EIF2AK2: variants seen among roughly 807,000 people sequenced by gnomAD.
EIF2AK2 encodes interferon-induced, double-stranded RNA-activated protein kinase.
EIF2AK2 carries 40 observed loss-of-function variants against 70.5 expected under a neutral mutation model. The observed-to-expected ratio is 0.57, with a 90% CI of 0.44 to 0.74. The LOEUF (loss-of-function observed/expected upper bound fraction) is 0.74. EIF2AK2 is among the 30% of genes least tolerant of loss of function. The pLI is 0.00. For missense variants in EIF2AK2, 555 were observed against 644.3 expected, an observed-to-expected ratio of 0.86 and a Z score of 1.50; for synonymous variants, 198 against 220.9, an observed-to-expected ratio of 0.90 and a Z score of 0.92.
intron 13 of EIF2AK2, among the ~76,000 whole-genome samples, 177 bp downstream of exon 13, chr2:37,119,782 C>T (rs573524960): frequency 1.8e-4 from 27 of 151,510 alleles, no homozygotes; most frequent in Non-Finnish European, 1.5e-5. Context: ...AGTAGAGACA[C>T]GGTTTCACCA....
In EIF2AK2 at chr2:37,109,328, T is replaced by A. The variant is rs763470155; in HGVS notation, c.1378-33A>T. ...GACCAAAATAGATTTACCTTTGTTA[T>A]GCTCCTTACATAAATATCCAGCCTT... On this transcript the variant is annotated intron_variant, in intron 14 of 16. Transcript: ENST00000233057. 2.5e-6 allele frequency: 4 copies of A among 1,584,590 alleles called. No individual in the cohort carries two copies. In the African/African-American group the frequency reaches 5.4e-5, roughly 21 times the overall value.
intron 14 of EIF2AK2, among the ~76,000 whole-genome samples, chr2:37,112,297 C>G (rs916331779): frequency 6.6e-6 from 1 of 152,252 alleles, no homozygotes; most frequent in Admixed American, 6.5e-5. Context: ...GAAATAGACC[C>G]TTGGTATTTT....
intron 1 of EIF2AK2, among the ~76,000 whole-genome samples, chr2:37,153,465 G>A (rs11894496): frequency 0.032 from 4,797 of 150,392 alleles, 121 homozygotes; most frequent in South Asian, 0.064. Context: ...TCAGCCTCCC[G>A]AGTAGCTGGG....
intron 10 of EIF2AK2, among the ~76,000 whole-genome samples, chr2:37,133,691 C>A (rs765317126): frequency 1.3e-5 from 2 of 152,178 alleles, no homozygotes; most frequent in East Asian, 1.9e-4. Flanking sequence ...ACATGAATGC[C>A]GGAGGAAAAG....
chr2:37,143,242 A>G (rs1213381137), intron 4 of EIF2AK2, among the ~76,000 whole-genome samples: 1 of 149,820 alleles, frequency 6.7e-6, no homozygotes, highest in African/African-American at 2.4e-5. Flanking sequence ...AAAAAAAAAG[A>G]ATCAATGTTG....
Position 37,102,264 on chromosome 2 carries a change from A to G in EIF2AK2, c.*5009T>C, listed in dbSNP as rs898242688. The G allele has an allele frequency of 6.6e-6, 1 of 152,080 alleles. No individual in the cohort carries two copies. The highest frequency in any genetic ancestry group is 2.4e-5 in the African/African-American group (1 of 41,412). The allele number at this position is 152,080 out of a possible 1,614,324, so 9.4% of individuals were successfully genotyped here. On this transcript the variant is annotated 3_prime_UTR_variant, in exon 17 of 17. Transcript: ENST00000233057. ...CTTAAAAAAAAAATTACAATTAAATACTTCACCAAAAGAAACAAACAAAAA... is the reference window on the plus strand; with the variant it reads ...CTTAAAAAAAAAATTACAATTAAATGCTTCACCAAAAGAAACAAACAAAAA...
intron 13 of EIF2AK2, among the ~76,000 whole-genome samples, chr2:37,119,253 G>A (rs933378253): frequency 5.3e-5 from 8 of 152,174 alleles, no homozygotes; most frequent in African/African-American, 1.7e-4. Flanking sequence ...TTCCCAGTCC[G>A]GGATTACCGC....
chr2:37,111,974 A>G (rs1674178119), intron 14 of EIF2AK2, among the ~76,000 whole-genome samples: 1 of 144,806 alleles, frequency 6.9e-6, no homozygotes, highest in African/African-American at 2.6e-5. Context: ...GAACAGTATA[A>G]AAGTGGCTCT....
intron 5 of EIF2AK2, 23 bp from the exon 6 acceptor site, chr2:37,139,780 C>G (rs1053077576): frequency 6.3e-7 from 1 of 1,590,310 alleles, no homozygotes; most frequent in Admixed American, 1.9e-5. Context: ...ATAGAAGGTA[C>G]TTATCCAAAC....
At chr2:37,135,585 T>C in intron 9 of EIF2AK2, 39 bp from the exon 10 acceptor site, 4 of 1,527,790 alleles carry the variant, frequency 2.6e-6, no homozygotes, top group Non-Finnish European at 3.6e-6. Context: ...CAAATAAAAT[T>C]GAAATCAAAT....
intron 4 of EIF2AK2, among the ~76,000 whole-genome samples, chr2:37,142,367 A>C (rs903134243): frequency 2.0e-5 from 3 of 152,062 alleles, no homozygotes; most frequent in African/African-American, 7.2e-5. Flanking sequence ...TCCTAAGCTC[A>C]AGTTATCTGC....
intron 1 of EIF2AK2, among the ~76,000 whole-genome samples, chr2:37,156,165 A>C (rs781170653): frequency 6.6e-6 from 1 of 152,120 alleles, no homozygotes; most frequent in African/African-American, 2.4e-5. Context: ...TCCAGAAAGA[A>C]GAAACAAGCA....
At position 37,124,797 on chromosome 2, in the gene EIF2AK2, G is replaced by A. The variant is rs184076196; in HGVS notation, c.908+1492C>T. Among the ~76,000 whole-genome samples, 283 of 150,940 alleles carry A rather than the reference G, an allele frequency of 1.9e-3. 1 individual carries two copies. Among genetic ancestry groups the A allele is most frequent in the African/African-American group, 6.7e-3 (276 of 41,054 alleles). The stretch of plus-strand genomic sequence containing the variant: ...GGCTGTAGTGCAGTGGTGTGACCAT[G>A]GCTCACTGCAGCCTCCACCTACTGG... On this transcript the variant is annotated intron_variant, in intron 11 of 16. Transcript: ENST00000233057.
Position 37,126,305 on chromosome 2 carries a change from C to G in EIF2AK2, c.892G>C (p.Val298Leu). The G allele has an allele frequency of 6.2e-7, 1 of 1,602,164 alleles. No homozygotes were observed. The change falls in exon 11 of 17, where the codon GTT becomes CTT. Residue 298 changes from valine to leucine, a missense_variant. Around this residue, in one of 3 missense-constraint regions of EIF2AK2, gnomAD observed 299 missense variants for 375.4 expected, o/e 0.80. Transcript: ENST00000233057. ...ACTACTTACTCGTTATTATATTTAA[C>G]ACGTTTAATAACGTAAGTCTTTCCG... ...IDGKTYVIKRVKYNNEKAERE... is the reference protein window; with the variant it reads ...IDGKTYVIKRLKYNNEKAERE...
intron 2 of EIF2AK2, chr2:37,148,449 G>A: frequency 2.4e-6 from 1 of 408,864 alleles, no homozygotes; most frequent in Non-Finnish European, 4.6e-6. Context: ...CCAGGCGGAG[G>A]AGAGCTCAAG....
chr2:37,107,827 G>GA (rs753607979), intron 15 of EIF2AK2, among the ~76,000 whole-genome samples: 3 of 152,070 alleles, frequency 2.0e-5, no homozygotes, highest in Non-Finnish European at 4.4e-5. Context: ...TTGACTCCAG[G>GA]AAAGTTCCCT....
chr2:37,120,169 G>A (rs1644707348), intron 12 of EIF2AK2, 30 bp from the exon 13 acceptor site: 1 of 1,289,224 alleles, frequency 7.8e-7, no homozygotes, highest in South Asian at 2.6e-5. Flanking sequence ...TATGTTAAAA[G>A]TAACAATAAA....
At chr2:37,129,055 C>T (rs1375306026) in intron 10 of EIF2AK2, among the ~76,000 whole-genome samples, 1 of 152,006 alleles carries the variant, frequency 6.6e-6, no homozygotes, top group Non-Finnish European at 1.5e-5. Flanking sequence ...CCCAATCCAC[C>T]CCAGATATTC....
intron 13 of EIF2AK2, among the ~76,000 whole-genome samples, chr2:37,115,550 A>G (rs1272402293): frequency 6.6e-6 from 1 of 152,164 alleles, no homozygotes; most frequent in Non-Finnish European, 1.5e-5. Context: ...GTGTTGTCCA[A>G]AGAATGGGAG....
Sources: allele counts gnomAD v4.1 joint callset (sites outside exome capture counted in the v4.1 genomes callset), GRCh38; gene constraint gnomAD v4.1.1; regional missense constraint gnomAD v4.1.1; transcripts MANE v1.5; gene names NCBI Gene and HGNC (gene_info 2026-07-23, HGNC 2026-07-21).